The following MAGI2 variants were observed in gnomAD, a reference collection of about 807,000 sequenced individuals.
The protein encoded by MAGI2 is membrane-associated guanylate kinase, WW and PDZ domain-containing protein 2.
A neutral mutation model predicts 133.3 loss-of-function variants in MAGI2; 35 were observed. The ratio of observed to expected loss-of-function variants is 0.26; its 90% CI spans 0.20 to 0.35. MAGI2 has a LOEUF of 0.35. Ranked by LOEUF, MAGI2 falls within the 10% of genes least tolerant of loss-of-function variation. The pLI is 1.00. For synonymous variants in MAGI2, 729 were observed against 710.6 expected, an observed-to-expected ratio of 1.03 and a Z score of -0.41; for missense variants, 1,636 against 1,863.4, an observed-to-expected ratio of 0.88 and a Z score of 2.25.
At chr7:78,877,608 A>C (rs1795527961) in intron 2 of MAGI2, among the ~76,000 whole-genome samples, 1 of 152,236 alleles carries the variant, frequency 6.6e-6, no homozygotes, top group African/African-American at 2.4e-5. Flanking sequence ...GCTATTAATC[A>C]GCTTTGCTTC....
intron 20 of MAGI2, among the ~76,000 whole-genome samples, chr7:78,118,165 G>C (rs191330720): frequency 6.6e-6 from 1 of 152,166 alleles, no homozygotes; most frequent in Non-Finnish European, 1.5e-5. Flanking sequence ...AAAATGAGTC[G>C]AGACACAGAC....
At chr7:78,471,053 T>C (rs979300532) in intron 6 of MAGI2, among the ~76,000 whole-genome samples, 1 of 152,162 alleles carries the variant, frequency 6.6e-6, no homozygotes, top group Non-Finnish European at 1.5e-5. Context: ...GTTTTATGTA[T>C]GTTTCTCATG....
intron 2 of MAGI2, among the ~76,000 whole-genome samples, chr7:78,847,488 C>T (rs1792729692): frequency 6.6e-6 from 1 of 151,886 alleles, no homozygotes. Flanking sequence ...TAGATCTTGT[C>T]AAAGTGTTCC....
At chr7:78,198,800 C>A (rs1430349240) in intron 11 of MAGI2, among the ~76,000 whole-genome samples, 1 of 152,134 alleles carries the variant, frequency 6.6e-6, no homozygotes, top group Non-Finnish European at 1.5e-5. Flanking sequence ...TTAAATCATC[C>A]CCCTCACTAT....
chr7:78,942,515 A>T (rs913971859), intron 2 of MAGI2, among the ~76,000 whole-genome samples: 5 of 152,144 alleles, frequency 3.3e-5, no homozygotes, highest in Non-Finnish European at 5.9e-5. Context: ...TGCTCCCTTC[A>T]AACTTAGCAT....
At chr7:79,252,229 T>C (rs1209674061) in intron 1 of MAGI2, among the ~76,000 whole-genome samples, 1 of 145,778 alleles carries the variant, frequency 6.9e-6, no homozygotes, top group African/African-American at 2.6e-5. Context: ...CATGATGAAA[T>C]ACTATTCAGC....
At chr7:78,266,864 G>C (rs896128437) in intron 9 of MAGI2, among the ~76,000 whole-genome samples, 1 of 152,108 alleles carries the variant, frequency 6.6e-6, no homozygotes, top group Non-Finnish European at 1.5e-5. Flanking sequence ...GAGCCACCAT[G>C]CCTGGCCAAA....
chr7:78,844,455 T>C (rs1792415092), intron 2 of MAGI2, among the ~76,000 whole-genome samples: 1 of 151,882 alleles, frequency 6.6e-6, no homozygotes, highest in Non-Finnish European at 1.5e-5. Flanking sequence ...ATCCATACAA[T>C]GGAGTATTAT....
At chr7:78,265,640 C>T (rs1282735646) in intron 9 of MAGI2, among the ~76,000 whole-genome samples, 2 of 152,180 alleles carry the variant, frequency 1.3e-5, no homozygotes, top group Admixed American at 6.5e-5. Context: ...GTTATGGACA[C>T]ACCTGTGGAC....
intron 3 of MAGI2, among the ~76,000 whole-genome samples, chr7:78,613,566 A>G (rs184268891): frequency 6.6e-6 from 1 of 152,368 alleles, no homozygotes; most frequent in East Asian, 1.9e-4. Context: ...AGCATAAAGT[A>G]AAAGTACAGA....
chr7:78,125,950 T>C (rs1487913639), intron 19 of MAGI2, 113 bp from the exon 20 acceptor site: 4 of 1,107,840 alleles, frequency 3.6e-6, no homozygotes, highest in East Asian at 2.5e-5. Context: ...CCAAATGACA[T>C]GATGTTGGGA....
intron 2 of MAGI2, among the ~76,000 whole-genome samples, chr7:78,990,592 C>T (rs1169177864): frequency 1.3e-5 from 2 of 151,930 alleles, no homozygotes; most frequent in Non-Finnish European, 2.9e-5. Flanking sequence ...GTTTTTCTGC[C>T]ACTTACTCCA....
intron 1 of MAGI2, among the ~76,000 whole-genome samples, chr7:79,278,700 A>G (rs750994939): frequency 5.9e-5 from 9 of 152,130 alleles, no homozygotes; most frequent in Admixed American, 2.6e-4. Flanking sequence ...TTAATGTTTA[A>G]TATTTTGAAC....
At chr7:78,556,975 C>T (rs1799883522) in intron 3 of MAGI2, among the ~76,000 whole-genome samples, 1 of 150,926 alleles carries the variant, frequency 6.6e-6, no homozygotes, top group African/African-American at 2.4e-5. Context: ...CCTGTAGTCC[C>T]AGCTACTCAG....
intron 3 of MAGI2, among the ~76,000 whole-genome samples, chr7:78,550,954 T>C (rs1304865351): frequency 1.3e-5 from 2 of 152,206 alleles, no homozygotes; most frequent in South Asian, 2.1e-4. Context: ...TTTTTTATTA[T>C]ATGGATCCTT....
chr7:79,116,501 G>A (rs1234586526), intron 1 of MAGI2, among the ~76,000 whole-genome samples: 1 of 152,150 alleles, frequency 6.6e-6, no homozygotes, highest in Admixed American at 6.6e-5. Flanking sequence ...ACAACAGCCT[G>A]TTGTTCACAC....
intron 10 of MAGI2, among the ~76,000 whole-genome samples, chr7:78,222,332 G>A (rs1244220479): frequency 1.3e-5 from 2 of 152,154 alleles, no homozygotes; most frequent in Non-Finnish European, 2.9e-5. Flanking sequence ...AGCTTCATGA[G>A]CTCTATGGAG....
chr7:79,374,836 C>T (rs1318555390), intron 1 of MAGI2, among the ~76,000 whole-genome samples: 1 of 151,834 alleles, frequency 6.6e-6, no homozygotes, highest in East Asian at 1.9e-4. Context: ...GGAAAGTTTT[C>T]CCTTAATCTT....
intron 2 of MAGI2, among the ~76,000 whole-genome samples, chr7:78,655,030 A>AC: frequency 6.6e-6 from 1 of 151,664 alleles, no homozygotes; most frequent in East Asian, 1.9e-4. Flanking sequence ...GGTGATAGAA[A>AC]CCTCATTTAC....
Sources: gnomAD v4.1 joint callset for allele counts (sites outside exome capture counted in the v4.1 genomes callset) on GRCh38, gnomAD v4.1.1 for gene constraint, MANE v1.5 for transcripts, NCBI Gene and HGNC (gene_info 2026-07-23, HGNC 2026-07-21) for gene names.